The following ATP6V0D2 variants were observed in gnomAD, a reference collection of about 807,000 sequenced individuals.
ATP6V0D2 encodes ATPase H+ transporting V0 subunit d2, also known as V-type proton ATPase subunit d 2.
Under a neutral mutation model 40.0 loss-of-function variants are expected in ATP6V0D2, and 40 were observed. The ratio of observed to expected loss-of-function variants is 1.00; its 90% CI spans 0.78 to 1.30. The LOEUF (loss-of-function observed/expected upper bound fraction) is 1.30. Among genes scored for constraint, ATP6V0D2 ranks in the 50% most tolerant of loss-of-function variants. The probability of loss-of-function intolerance (pLI) is 0.00; values close to 1 mark genes in which losing one functional copy is unlikely to be tolerated. For synonymous variants in ATP6V0D2, 179 were observed against 156.3 expected, an observed-to-expected ratio of 1.15 and a Z score of -1.08; for missense variants, 470 against 423.1, an observed-to-expected ratio of 1.11 and a Z score of -0.97.
chr8:86,115,163 A>G (rs560056859), intron 2 of ATP6V0D2, among the ~76,000 whole-genome samples: 2 of 152,196 alleles, frequency 1.3e-5, no homozygotes, highest in South Asian at 4.1e-4. Context: ...AGAAAATATA[A>G]TAAGAGAAAG....
In ATP6V0D2 at chr8:86,153,417, G is replaced by A. The variant is rs1819185571; in HGVS notation, c.*440G>A. On this transcript the variant is annotated 3_prime_UTR_variant, in exon 8 of 8. Transcript: ENST00000285393. The stretch of plus-strand genomic sequence containing the variant: ...CACCTAGGCTACAGTGCAGTGGTGT[G>A]ATCACAGCTCACTGCAGCCTCGACT... The A allele has an allele frequency of 6.5e-6, 1 of 153,578 alleles. No homozygotes were observed. The highest frequency in any genetic ancestry group is 1.4e-5 in the Non-Finnish European group (1 of 69,236). 9.5% of individuals were successfully genotyped at this position (153,578 alleles called of 1,614,324 possible).
At chr8:86,124,615 C>T (rs1818715603) in intron 2 of ATP6V0D2, among the ~76,000 whole-genome samples, 1 of 152,156 alleles carries the variant, frequency 6.6e-6, no homozygotes, top group South Asian at 2.1e-4. Context: ...CCAAAAATGT[C>T]CCTTAGTCAC....
At chr8:86,141,746 C>T (rs1818977386) in intron 4 of ATP6V0D2, among the ~76,000 whole-genome samples, 1 of 152,180 alleles carries the variant, frequency 6.6e-6, no homozygotes, top group Non-Finnish European at 1.5e-5. Context: ...AAATAACATG[C>T]CCTATTCTTC....
intron 6 of ATP6V0D2, among the ~76,000 whole-genome samples, chr8:86,150,996 G>C (rs1819141844): frequency 6.6e-6 from 1 of 152,188 alleles, no homozygotes; most frequent in Non-Finnish European, 1.5e-5. Context: ...CGTAACCCTT[G>C]TGACATCTCA....
At chr8:86,104,299 T>C (rs1818439686) in intron 1 of ATP6V0D2, among the ~76,000 whole-genome samples, 1 of 152,168 alleles carries the variant, frequency 6.6e-6, no homozygotes, top group African/African-American at 2.4e-5. Flanking sequence ...CTTGGCCTTC[T>C]AACATGCTGG....
Position 86,115,437 on chromosome 8 carries a change from C to T in ATP6V0D2, c.302+1557C>T, listed in dbSNP as rs369620058. Among the ~76,000 whole-genome samples, 279 of 132,844 alleles carry T rather than the reference C, an allele frequency of 2.1e-3. 2 individuals are homozygous for T. Among genetic ancestry groups the T allele is most frequent in the African/African-American group, 7.9e-3 (269 of 34,144 alleles). 87.2% of individuals were successfully genotyped at this position (132,844 alleles called of 152,430 possible). A position where few individuals can be genotyped will look rare whatever the true frequency, so the allele number is the denominator to read the frequency against. Reference sequence around the variant, plus strand: ...AGGCTGGAGTACAATGGCGTGATCTCGGCTCACTGCAACCTTCGCCTCCGT... The same window carrying T: ...AGGCTGGAGTACAATGGCGTGATCTTGGCTCACTGCAACCTTCGCCTCCGT... On this transcript the variant is annotated intron_variant, in intron 2 of 7. Coordinates refer to ENST00000285393, the MANE Select transcript of ATP6V0D2 (RefSeq NM_152565.1).
At chr8:86,123,641 C>T (rs1178644136) in intron 2 of ATP6V0D2, among the ~76,000 whole-genome samples, 1 of 151,976 alleles carries the variant, frequency 6.6e-6, no homozygotes, top group Non-Finnish European at 1.5e-5. Context: ...GGAAAGCAGA[C>T]AATAATTCCT....
At chr8:86,132,967 TTCCACATCCTCTC>T (rs1818847022) in intron 2 of ATP6V0D2, among the ~76,000 whole-genome samples, 1 of 152,232 alleles carries the variant, frequency 6.6e-6, no homozygotes, top group Non-Finnish European at 1.5e-5. Flanking sequence ...ATCTCCTTTT[TTCCACATCCTCTC>T]TCCAGCATAT....
At chr8:86,113,589 A>T in intron 1 of ATP6V0D2, 120 bp from the exon 2 acceptor site, 1 of 837,596 alleles carries the variant, frequency 1.2e-6, no homozygotes, top group Non-Finnish European at 1.8e-6. Flanking sequence ...CTTATATTAA[A>T]ATCTAATAAG....
intron 1 of ATP6V0D2, among the ~76,000 whole-genome samples, chr8:86,107,419 G>A (rs180974749): frequency 4.1e-4 from 63 of 152,238 alleles, no homozygotes; most frequent in Non-Finnish European, 6.5e-4. Context: ...AGATCCTGAC[G>A]CTAACACTGA....
intron 2 of ATP6V0D2, among the ~76,000 whole-genome samples, chr8:86,121,827 G>A (rs931075010): frequency 6.6e-6 from 1 of 152,036 alleles, no homozygotes; most frequent in Admixed American, 6.6e-5. Context: ...CCGAGACAAC[G>A]TTATACAAAT....
chr8:86,147,781 G>A (rs892975067), intron 5 of ATP6V0D2, among the ~76,000 whole-genome samples: 6 of 152,154 alleles, frequency 3.9e-5, no homozygotes, highest in East Asian at 1.9e-4. Context: ...GGACAGGAGC[G>A]CAGGGAGGAT....
chr8:86,140,466 G>C (rs1454740634), intron 3 of ATP6V0D2, among the ~76,000 whole-genome samples: 1 of 152,136 alleles, frequency 6.6e-6, no homozygotes, highest in Non-Finnish European at 1.5e-5. Context: ...GTGACTAGGA[G>C]CAATTCAATT....
chr8:86,129,093 G>A (rs1374762198), intron 2 of ATP6V0D2, among the ~76,000 whole-genome samples: 1 of 152,178 alleles, frequency 6.6e-6, no homozygotes, highest in East Asian at 1.9e-4. Context: ...CTTTATCCAA[G>A]GCACTCTACG....
chr8:86,141,494 C>T lies in ATP6V0D2; in HGVS notation c.526C>T (p.Leu176=). Residue 176 remains leucine, a synonymous_variant, in exon 4 of 8, where the codon CTG becomes TTG. Transcript: ENST00000285393. ...CATGTCTGAAAATGCTCTAGATGAA[C>T]TGAATATTGAATTGCTACGCAATAA... ...DCMSENALDE[L]NIELLRNKLY... 1 of 1,609,838 alleles carries T rather than the reference C, an allele frequency of 6.2e-7. No homozygotes were observed. Among genetic ancestry groups the T allele is most frequent in the Non-Finnish European group, 8.5e-7 (1 of 1,177,522 alleles).
intron 2 of ATP6V0D2, among the ~76,000 whole-genome samples, chr8:86,129,337 A>G (rs1041104070): frequency 1.3e-5 from 2 of 152,190 alleles, no homozygotes; most frequent in South Asian, 2.1e-4. Context: ...CTGTGAAGAC[A>G]GTAATTGTCT....
intron 1 of ATP6V0D2, among the ~76,000 whole-genome samples, chr8:86,113,108 A>T (rs1467588015): frequency 6.6e-6 from 1 of 150,574 alleles, no homozygotes; most frequent in East Asian, 1.9e-4. Context: ...CCTGTTTGCC[A>T]TCTGTGGATT....
At chr8:86,134,062 T>C (rs1475187033) in intron 2 of ATP6V0D2, among the ~76,000 whole-genome samples, 1 of 152,018 alleles carries the variant, frequency 6.6e-6, no homozygotes, top group Admixed American at 6.6e-5. Context: ...AAACAAATCT[T>C]GAAAGCTATG....
intron 2 of ATP6V0D2, among the ~76,000 whole-genome samples, chr8:86,124,397 A>C (rs1818712569): frequency 6.6e-6 from 1 of 152,356 alleles, no homozygotes. Flanking sequence ...AATTGAATAT[A>C]GACTTTGTTC....
Sources: allele counts gnomAD v4.1 joint callset (sites outside exome capture counted in the v4.1 genomes callset), GRCh38; gene constraint gnomAD v4.1.1; transcripts MANE v1.5; gene names NCBI Gene and HGNC (gene_info 2026-07-23, HGNC 2026-07-21).